Variants in AP1G1 observed in about 807,000 individuals in gnomAD.
AP1G1 encodes the protein adaptor related protein complex 1 subunit gamma 1, also known as AP-1 complex subunit gamma-1.
AP1G1 carries 7 observed loss-of-function variants against 108.3 expected under a neutral mutation model. That is an observed-to-expected ratio of 0.06 (90% CI 0.04 to 0.12). The LOEUF (loss-of-function observed/expected upper bound fraction) is 0.12, where lower values mean the gene tolerates loss of function less well. AP1G1 is among the 10% of genes least tolerant of loss of function. The pLI is 1.00. For missense variants in AP1G1, 756 were observed against 1,010.7 expected (o/e 0.75, Z 3.42); for synonymous variants, 379 against 353.5 (o/e 1.07, Z -0.81).
chr16:71,784,198 C>T (rs1402907102), intron 2 of AP1G1, among the ~76,000 whole-genome samples: 1 of 152,152 alleles, frequency 6.6e-6, no homozygotes, highest in Non-Finnish European at 1.5e-5. Context: ...ATGTGTCTAA[C>T]ACTTATAACT....
chr16:71,735,931 G>A, intron 21 of AP1G1, among the ~76,000 whole-genome samples: 1 of 150,110 alleles, frequency 6.7e-6, no homozygotes, highest in Admixed American at 6.7e-5. Context: ...AGGAGATCTA[G>A]ATTAGTCTGG....
chr16:71,742,111 G>A (rs913760947), intron 19 of AP1G1, among the ~76,000 whole-genome samples: 1 of 151,954 alleles, frequency 6.6e-6, no homozygotes, highest in East Asian at 1.9e-4. Flanking sequence ...AATAAGGCAA[G>A]AAAACCCAGA....
Position 71,748,911 on chromosome 16 carries a change from G to GT in AP1G1, c.1498-534dup, listed in dbSNP as rs369285815. 4.9e-3 allele frequency among the ~76,000 whole-genome samples: 735 copies of GT among 148,542 alleles called. 9 individuals carry two copies. Among genetic ancestry groups the GT allele is most frequent in the African/African-American group, 0.017 (685 of 40,648 alleles). On this transcript the variant is annotated intron_variant, in intron 15 of 22. Coordinates refer to ENST00000299980, the MANE Select transcript of AP1G1 (RefSeq NM_001128.6). ...CTCACACCTGTTTTGTTTTTTTTTT[G>GT]TTTTTTTTGTTTTGAGACGGAGTCT... is the stretch of plus-strand genomic sequence containing the variant.
At chr16:71,807,092 G>A (rs1174746329) in intron 1 of AP1G1, among the ~76,000 whole-genome samples, 1 of 152,202 alleles carries the variant, frequency 6.6e-6, no homozygotes, top group Non-Finnish European at 1.5e-5. Flanking sequence ...AATCACACTC[G>A]CCTAACTTGA....
rs1488187451 is a variant in AP1G1 at position 71,730,953 on chromosome 16, T to C, written c.*2105A>G. On this transcript the variant is annotated 3_prime_UTR_variant, in exon 23 of 23. Transcript: ENST00000299980. Reference sequence around the variant, plus strand: ...CTTCAGAGATTCAACCCAGTTCAAATAAAAAAACCTGAGCTGGTTAGCTAC... The same window carrying C: ...CTTCAGAGATTCAACCCAGTTCAAACAAAAAAACCTGAGCTGGTTAGCTAC... 6.6e-6 allele frequency: 1 copy of C among 152,218 alleles called. No homozygotes were observed. Among genetic ancestry groups the C allele is most frequent in the Non-Finnish European group, 1.5e-5 (1 of 68,006 alleles). 9.4% of individuals were successfully genotyped at this position (152,218 alleles called of 1,614,324 possible). A position where few individuals can be genotyped will look rare whatever the true frequency, so the allele number is the denominator to read the frequency against.
chr16:71,802,572 G>C (rs1446788884), intron 1 of AP1G1, among the ~76,000 whole-genome samples: 1 of 151,802 alleles, frequency 6.6e-6, no homozygotes, highest in Non-Finnish European at 1.5e-5. Context: ...TCTACTAAAA[G>C]TACAAAAATT....
chr16:71,769,218 G>A (rs1473296855), intron 6 of AP1G1, among the ~76,000 whole-genome samples: 1 of 151,576 alleles, frequency 6.6e-6, no homozygotes, highest in South Asian at 2.1e-4. Context: ...AGGAGGAGGA[G>A]GTTGCAGTGA....
chr16:71,766,543 ACT>A, intron 6 of AP1G1: 1 of 387,638 alleles, frequency 2.6e-6, no homozygotes, highest in South Asian at 1.9e-5. Flanking sequence ...TATATAAACA[ACT>A]CTAATGACCA....
intron 1 of AP1G1, among the ~76,000 whole-genome samples, chr16:71,796,537 T>A (rs1479830063): frequency 2.0e-5 from 3 of 152,152 alleles, no homozygotes; most frequent in Non-Finnish European, 4.4e-5. Flanking sequence ...TGAATTACAA[T>A]ACTACAGTAT....
chr16:71,736,951 C>T (rs2145412385), intron 21 of AP1G1, among the ~76,000 whole-genome samples: 1 of 152,074 alleles, frequency 6.6e-6, no homozygotes, highest in South Asian at 2.1e-4. Context: ...CAGTACACCA[C>T]CAAAAATGTC....
chr16:71,754,319 G>C (rs1214320384), intron 12 of AP1G1, among the ~76,000 whole-genome samples: 1 of 147,724 alleles, frequency 6.8e-6, no homozygotes, highest in African/African-American at 2.5e-5. Flanking sequence ...GAACAAAAAA[G>C]AGAGAGAAAG....
At chr16:71,778,819 G>A (rs368881092) in intron 2 of AP1G1, among the ~76,000 whole-genome samples, 4 of 151,940 alleles carry the variant, frequency 2.6e-5, no homozygotes, top group Admixed American at 6.6e-5. Flanking sequence ...CCGTTTTTCC[G>A]CAGCAATCTC....
At chr16:71,753,751 C>G in intron 13 of AP1G1, 82 bp downstream of exon 13, 2 of 1,262,660 alleles carry the variant, frequency 1.6e-6, no homozygotes, top group Non-Finnish European at 2.3e-6. Flanking sequence ...AATTTCTTAC[C>G]TCCCTGACTA....
chr16:71,808,613 T>C (rs765268549), intron 1 of AP1G1, 150 bp downstream of exon 1: 2 of 1,289,518 alleles, frequency 1.6e-6, no homozygotes, highest in South Asian at 2.5e-5. Context: ...GCTCCCGGCC[T>C]CTCCTGGCCC....
intron 6 of AP1G1, among the ~76,000 whole-genome samples, chr16:71,766,267 T>C (rs1173121583): frequency 6.6e-6 from 1 of 152,164 alleles, no homozygotes; most frequent in African/African-American, 2.4e-5. Context: ...TCAGGACTTA[T>C]TTATATATAT....
intron 19 of AP1G1, among the ~76,000 whole-genome samples, chr16:71,739,903 G>A (rs891815108): frequency 4.6e-5 from 7 of 152,060 alleles, no homozygotes; most frequent in Non-Finnish European, 8.8e-5. Context: ...ATAAAAACAC[G>A]CAAGTCACAA....
At chr16:71,764,326 A>G in intron 9 of AP1G1, 24 bp downstream of exon 9, 3 of 1,412,382 alleles carry the variant, frequency 2.1e-6, no homozygotes, top group Non-Finnish European at 9.8e-7. Flanking sequence ...TTAGGGGGGG[A>G]AGAAAAGATT....
At chr16:71,765,654 T>C (rs1276502027) in intron 6 of AP1G1, 70 bp from the exon 7 acceptor site, 1 of 1,308,112 alleles carries the variant, frequency 7.6e-7, no homozygotes, top group Non-Finnish European at 1.1e-6. Context: ...GCAGGTCCTT[T>C]GGTTTAGAAA....
chr16:71,770,899 C>T (rs4788557), intron 5 of AP1G1, among the ~76,000 whole-genome samples: 130,883 of 152,200 alleles, frequency 0.86, 56,421 homozygotes, highest in East Asian at 0.99. Context: ...TAAATATTAA[C>T]AACTTAATAT....
Sources: allele counts gnomAD v4.1 joint callset (sites outside exome capture counted in the v4.1 genomes callset), GRCh38; gene constraint gnomAD v4.1.1; transcripts MANE v1.5; gene names NCBI Gene and HGNC (gene_info 2026-07-23, HGNC 2026-07-21).